Variants in UTRN observed in about 807,000 individuals in gnomAD.
The protein encoded by UTRN is dystrophin-related protein 1.
A neutral mutation model predicts 463.9 loss-of-function variants in UTRN; 283 were observed. The observed-to-expected ratio is 0.61, with a 90% CI of 0.55 to 0.67. The LOEUF (loss-of-function observed/expected upper bound fraction) is 0.67. Among genes scored for constraint, UTRN ranks in the 30% least tolerant of loss-of-function variants. UTRN has a pLI of 0.00. For missense variants in UTRN, 3,922 were observed against 4,084.3 expected, an observed-to-expected ratio of 0.96 and a Z score of 1.08; for synonymous variants, 1,442 against 1,431.5, an observed-to-expected ratio of 1.01 and a Z score of -0.17.
At chr6:144,407,309 A>C (rs1783507752) in intron 3 of UTRN, among the ~76,000 whole-genome samples, 2 of 152,218 alleles carry the variant, frequency 1.3e-5, no homozygotes, top group African/African-American at 4.8e-5. Context: ...AATATGCCTA[A>C]TTCTATATGT....
At chr6:144,301,306 C>T (rs78018479) in intron 2 of UTRN, among the ~76,000 whole-genome samples, 4 of 152,038 alleles carry the variant, frequency 2.6e-5, no homozygotes, top group Admixed American at 6.6e-5. Context: ...AACTTGCATA[C>T]GCTTTTTCAA....
intron 53 of UTRN, among the ~76,000 whole-genome samples, chr6:144,721,957 A>G (rs1463073880): frequency 1.3e-5 from 2 of 152,170 alleles, no homozygotes; most frequent in Non-Finnish European, 2.9e-5. Context: ...GGATTTTCAG[A>G]TTAGGGATGC....
intron 9 of UTRN, among the ~76,000 whole-genome samples, chr6:144,435,308 A>T (rs1786431165): frequency 6.6e-6 from 1 of 152,234 alleles, no homozygotes; most frequent in Non-Finnish European, 1.5e-5. Context: ...ATATATGGAA[A>T]TACTCAGTTA....
intron 65 of UTRN, among the ~76,000 whole-genome samples, chr6:144,808,149 A>C (rs1033654383): frequency 1.3e-5 from 2 of 152,146 alleles, no homozygotes; most frequent in Admixed American, 6.6e-5. Flanking sequence ...TTTACATACC[A>C]GGCATTTTGC....
chr6:144,611,422 A>C (rs1290692613), intron 51 of UTRN, among the ~76,000 whole-genome samples: 2 of 152,328 alleles, frequency 1.3e-5, no homozygotes, highest in African/African-American at 4.8e-5. Flanking sequence ...GGAAGAAATG[A>C]AATTGTCTCC....
At chr6:144,514,626 A>G in intron 36 of UTRN, 24 bp from the exon 37 acceptor site, 1 of 1,609,192 alleles carries the variant, frequency 6.2e-7, no homozygotes, top group African/African-American at 1.3e-5. Flanking sequence ...CCCATGAGAT[A>G]ATTTTGTGTT....
intron 51 of UTRN, among the ~76,000 whole-genome samples, chr6:144,651,008 G>A (rs1778767218): frequency 6.6e-6 from 1 of 151,832 alleles, no homozygotes; most frequent in South Asian, 2.1e-4. Flanking sequence ...AATAACCAGT[G>A]TTAACTCATA....
intron 51 of UTRN, among the ~76,000 whole-genome samples, chr6:144,579,418 A>C (rs1315942328): frequency 6.6e-6 from 1 of 152,204 alleles, no homozygotes; most frequent in Non-Finnish European, 1.5e-5. Flanking sequence ...TAGGCTGTGC[A>C]CTTGAGTAGG....
At chr6:144,419,107 G>A (rs1185043753) in intron 3 of UTRN, among the ~76,000 whole-genome samples, 5 of 152,186 alleles carry the variant, frequency 3.3e-5, no homozygotes, top group Non-Finnish European at 7.3e-5. Context: ...GGGTGGGGGA[G>A]GGGGATTAGA....
intron 14 of UTRN, among the ~76,000 whole-genome samples, chr6:144,445,855 G>A (rs748042094): frequency 2.0e-5 from 3 of 151,894 alleles, no homozygotes; most frequent in African/African-American, 4.8e-5. Context: ...GTTGAAACCT[G>A]TCTCTACTAA....
At chr6:144,625,666 A>G (rs1775868282) in intron 51 of UTRN, among the ~76,000 whole-genome samples, 1 of 152,226 alleles carries the variant, frequency 6.6e-6, no homozygotes, top group Non-Finnish European at 1.5e-5. Flanking sequence ...TAATGCAAAT[A>G]CTTATGAATT....
At chr6:144,460,241 T>C (rs1450846768) in intron 21 of UTRN, among the ~76,000 whole-genome samples, 2 of 152,216 alleles carry the variant, frequency 1.3e-5, no homozygotes, top group South Asian at 2.1e-4. Context: ...GGTTCACTGT[T>C]AAAGATTTTG....
At chr6:144,297,657 T>G (rs1048772085) in intron 2 of UTRN, among the ~76,000 whole-genome samples, 3 of 152,200 alleles carry the variant, frequency 2.0e-5, no homozygotes, top group South Asian at 4.1e-4. Context: ...CCTGGGGATT[T>G]GTAGTGATAG....
chr6:144,765,738 G>A lies in UTRN; in HGVS notation c.8496-6169G>A, dbSNP rs1022324252. Among the ~76,000 whole-genome samples the A allele has an allele frequency of 1.2e-4, 18 of 151,426 alleles. 1 individual carries two copies. Among genetic ancestry groups the A allele is most frequent in the African/African-American group, 3.9e-4 (16 of 40,844 alleles). On this transcript the variant is annotated intron_variant, in intron 58 of 74. Transcript: ENST00000367545. ...AATGCATTTTATAGTCAAATCCTAC[G>A]GAATTATTCATTATTTACAATGTTG...
At chr6:144,651,826 T>A (rs1248508942) in intron 51 of UTRN, among the ~76,000 whole-genome samples, 2 of 152,296 alleles carry the variant, frequency 1.3e-5, no homozygotes, top group East Asian at 3.9e-4. Context: ...TATTTTTTTT[T>A]ATTTCAATAG....
At chr6:144,430,508 C>A (rs1033517847) in intron 9 of UTRN, among the ~76,000 whole-genome samples, 2 of 152,114 alleles carry the variant, frequency 1.3e-5, no homozygotes. Flanking sequence ...ATAAGAACTA[C>A]ATTTCAGAGA....
intron 46 of UTRN, among the ~76,000 whole-genome samples, chr6:144,545,672 CTCTGTCT>C (rs1293476042): frequency 2.0e-5 from 3 of 152,308 alleles, no homozygotes; most frequent in Non-Finnish European, 4.4e-5. Context: ...TACACCCTGT[CTCTGTCT>C]TCTTGTATTG....
intron 52 of UTRN, among the ~76,000 whole-genome samples, chr6:144,686,164 C>T (rs1304820188): frequency 2.0e-5 from 3 of 152,000 alleles, no homozygotes; most frequent in African/African-American, 2.4e-5. Flanking sequence ...GTCCTTTTTC[C>T]AATTTATGTT....
At chr6:144,384,392 G>A (rs938924989) in intron 2 of UTRN, among the ~76,000 whole-genome samples, 1 of 152,104 alleles carries the variant, frequency 6.6e-6, no homozygotes, top group Non-Finnish European at 1.5e-5. Context: ...GAGGGATGTA[G>A]GTCGTACACT....
Sources: allele counts gnomAD v4.1 joint callset (sites outside exome capture counted in the v4.1 genomes callset), GRCh38; gene constraint gnomAD v4.1.1; transcripts MANE v1.5; gene names NCBI Gene and HGNC (gene_info 2026-07-23, HGNC 2026-07-21).